The following PREX1 variants were observed in gnomAD, a reference collection of about 807,000 sequenced individuals.
PREX1 encodes the protein phosphatidylinositol-3,4,5-trisphosphate dependent Rac exchange factor 1.
In PREX1, 41 loss-of-function variants were observed where a neutral mutation model predicts 198.3. That is an observed-to-expected ratio of 0.21 (90% CI 0.16 to 0.27). PREX1 has a LOEUF of 0.27. Ranked by LOEUF, PREX1 falls within the 10% of genes least tolerant of loss-of-function variation. The pLI is 1.00. For synonymous variants in PREX1, 843 were observed against 887.2 expected (o/e 0.95, Z 0.89); for missense variants, 1,620 against 2,200.7 (o/e 0.74, Z 5.28).
At chr20:48,857,949 G>A in the PREX1 span, among the ~76,000 whole-genome samples, 1 of 152,236 alleles carries the variant, frequency 6.6e-6, no homozygotes, top group Non-Finnish European at 1.5e-5. Flanking sequence ...GCCCTGTGGC[G>A]GGGGCAAGCT....
the PREX1 span, among the ~76,000 whole-genome samples, chr20:48,887,926 G>A: frequency 2.0e-5 from 3 of 151,916 alleles, no homozygotes; most frequent in African/African-American, 4.8e-5. Context: ...CTCCAGCCTG[G>A]GCGACAGAGT....
At chr20:48,643,333 G>A (rs764533026) in intron 27 of PREX1, among the ~76,000 whole-genome samples, 1 of 152,100 alleles carries the variant, frequency 6.6e-6, no homozygotes, top group African/African-American at 2.4e-5. Flanking sequence ...TCTGAATGTG[G>A]TGGCGGGCGC....
intron 13 of PREX1, 38 bp from the exon 14 acceptor site, chr20:48,676,306 C>A (rs781384163): frequency 4.4e-6 from 7 of 1,591,996 alleles, no homozygotes; most frequent in South Asian, 1.1e-5. Context: ...CAGGGCAGGG[C>A]GGGGAGGACA....
chr20:48,653,329 T>A, intron 20 of PREX1, 32 bp downstream of exon 20: 1 of 1,604,840 alleles, frequency 6.2e-7, no homozygotes, highest in Non-Finnish European at 8.5e-7. Context: ...CAGCAGGACT[T>A]CTTTGACGGC....
At chr20:48,708,833 G>A (rs34240673) in intron 5 of PREX1, among the ~76,000 whole-genome samples, 38,780 of 152,078 alleles carry the variant, frequency 0.26, 6,296 homozygotes, top group African/African-American at 0.46. Context: ...AAAGGAGGCA[G>A]TGTGTCTGGG....
chr20:48,771,224 T>A (rs760645335), intron 1 of PREX1, among the ~76,000 whole-genome samples: 1 of 151,630 alleles, frequency 6.6e-6, no homozygotes, highest in Non-Finnish European at 1.5e-5. Flanking sequence ...GAAATGGGTG[T>A]GGCTCATGTC....
chr20:48,872,209 G>A, the PREX1 span, among the ~76,000 whole-genome samples: 2,050 of 151,344 alleles, frequency 0.014, 46 homozygotes, highest in African/African-American at 0.047. Flanking sequence ...GTTCTCCTCC[G>A]TGACATACCT....
At chr20:48,705,297 T>G (rs1201111708) in intron 6 of PREX1, among the ~76,000 whole-genome samples, 2 of 152,260 alleles carry the variant, frequency 1.3e-5, no homozygotes. Context: ...GTGGATTCAC[T>G]TATCTGGTTT....
chr20:48,718,750 AAAAC>A (rs2089972943), intron 5 of PREX1, among the ~76,000 whole-genome samples: 1 of 152,256 alleles, frequency 6.6e-6, no homozygotes, highest in South Asian at 2.1e-4. Flanking sequence ...AATATTGGAA[AAAAC>A]AGACGTTGAA....
At chr20:48,631,037 G>A (rs7268950) in intron 35 of PREX1, among the ~76,000 whole-genome samples, 3,157 of 152,208 alleles carry the variant, frequency 0.021, 112 homozygotes, top group African/African-American at 0.073. Flanking sequence ...CCCGTCCACA[G>A]CAGCCCCCAG....
At position 48,655,294 on chromosome 20, in the gene PREX1, C is replaced by G. The variant is rs1328314350; in HGVS notation, c.2205G>C (p.Gly735=). The change falls in exon 19 of 40, where the codon GGG becomes GGC. Residue 735 remains glycine, a synonymous_variant. Transcript: ENST00000371941. Reference sequence around the variant, plus strand: ...TCTCCCAAGGCTCCCACTCACCTCTCCCCACAGCATAGACGTACGGTGGGG... The same window carrying G: ...TCTCCCAAGGCTCCCACTCACCTCTGCCCACAGCATAGACGTACGGTGGGG... The part of the protein sequence containing the change: ...GAAPPYVYAV[G]RGSEAMAAGL... 6 of 1,574,242 alleles carry G rather than the reference C, an allele frequency of 3.8e-6. 1 individual carries two copies. In the African/African-American group the frequency reaches 5.4e-5, roughly 14 times the overall value.
chr20:48,741,533 G>A (rs1223468123), intron 3 of PREX1, among the ~76,000 whole-genome samples: 1 of 152,120 alleles, frequency 6.6e-6, no homozygotes, highest in Non-Finnish European at 1.5e-5. Flanking sequence ...CTAAGGGGCT[G>A]AACTATTTCT....
intron 1 of PREX1, among the ~76,000 whole-genome samples, chr20:48,812,789 T>A (rs1057116734): frequency 9.9e-5 from 15 of 152,064 alleles, no homozygotes; most frequent in African/African-American, 2.9e-4. Context: ...GTGGCCATGA[T>A]CCAGCCCCCA....
chr20:48,863,670 C>T, the PREX1 span, among the ~76,000 whole-genome samples: 3 of 150,890 alleles, frequency 2.0e-5, no homozygotes, highest in Admixed American at 6.6e-5. Flanking sequence ...TCACTGCAGC[C>T]TCCGCCTCCC....
At chr20:48,790,871 C>A (rs191666977) in intron 1 of PREX1, among the ~76,000 whole-genome samples, 11 of 152,272 alleles carry the variant, frequency 7.2e-5, no homozygotes, top group African/African-American at 2.2e-4. Context: ...CCCAACATCC[C>A]CAGCAGCAGC....
intron 29 of PREX1, among the ~76,000 whole-genome samples, chr20:48,641,773 T>C (rs908328240): frequency 2.7e-5 from 4 of 146,916 alleles, no homozygotes; most frequent in African/African-American, 7.6e-5. Flanking sequence ...GCCTGAGTGA[T>C]AGAGTGAGAC....
In PREX1 at chr20:48,625,759, G is replaced by T; in HGVS notation, c.*126C>A. 2 of 1,162,658 alleles carry T rather than the reference G, an allele frequency of 1.7e-6. No individual in the cohort carries two copies. The highest frequency in any genetic ancestry group is 2.4e-6 in the Non-Finnish European group (2 of 850,450). The allele number at this position is 1,162,658 out of a possible 1,614,324, so 72.0% of individuals were successfully genotyped here. A position where few individuals can be genotyped will look rare whatever the true frequency, so the allele number is the denominator to read the frequency against. ...CCCGGAAGGAGGCAGGGAGGACGCT[G>T]GGCAGGTCCCGGAACGGGCGGCTGC... On this transcript the variant is annotated 3_prime_UTR_variant, in exon 40 of 40. Transcript: ENST00000371941.
chr20:48,837,633 C>T, the PREX1 span, among the ~76,000 whole-genome samples: 104 of 152,204 alleles, frequency 6.8e-4, no homozygotes, highest in Non-Finnish European at 1.3e-3. Context: ...AACTCATGGA[C>T]GCAGAGGGGA....
chr20:48,888,096 T>C, the PREX1 span, among the ~76,000 whole-genome samples: 3 of 152,220 alleles, frequency 2.0e-5, no homozygotes, highest in Admixed American at 2.0e-4. Flanking sequence ...TTAATTGGAC[T>C]TACAGTTCCA....
Sources: gnomAD v4.1 joint callset for allele counts (sites outside exome capture counted in the v4.1 genomes callset) on GRCh38, gnomAD v4.1.1 for gene constraint, MANE v1.5 for transcripts, NCBI Gene and HGNC (gene_info 2026-07-23, HGNC 2026-07-21) for gene names.